Variants in MAGI2 observed in about 807,000 individuals in gnomAD.
MAGI2 encodes membrane-associated guanylate kinase, WW and PDZ domain-containing protein 2.
A neutral mutation model predicts 133.3 loss-of-function variants in MAGI2; 35 were observed. The observed-to-expected ratio is 0.26, with a 90% confidence interval of 0.20 to 0.35. The LOEUF (loss-of-function observed/expected upper bound fraction) is 0.35, where lower values mean the gene tolerates loss of function less well. Among genes scored for constraint, MAGI2 ranks in the 10% least tolerant of loss-of-function variants. The probability of loss-of-function intolerance (pLI) is 1.00; values close to 1 mark genes in which losing one functional copy is unlikely to be tolerated. For missense variants in MAGI2, 1,636 were observed against 1,863.4 expected (o/e 0.88, Z 2.25); for synonymous variants, 729 against 710.6 (o/e 1.03, Z -0.41).
At chr7:78,538,124 G>C (rs1798112494) in intron 3 of MAGI2, among the ~76,000 whole-genome samples, 1 of 152,118 alleles carries the variant, frequency 6.6e-6, no homozygotes, top group African/African-American at 2.4e-5. Context: ...TTTGTTGAAG[G>C]TCAGTAGCCC....
intron 6 of MAGI2, among the ~76,000 whole-genome samples, chr7:78,451,490 T>G (rs1788717481): frequency 6.6e-6 from 1 of 152,062 alleles, no homozygotes; most frequent in Admixed American, 6.6e-5. Flanking sequence ...CCCGTGAGAA[T>G]GACAGAAGTA....
chr7:78,174,172 C>A (rs1224299723), intron 14 of MAGI2, among the ~76,000 whole-genome samples: 7 of 152,128 alleles, frequency 4.6e-5, no homozygotes, highest in Admixed American at 6.5e-5. Flanking sequence ...TCTTCAATTC[C>A]ATTTAATAAA....
chr7:78,128,027 T>C (rs191415990), intron 18 of MAGI2, among the ~76,000 whole-genome samples: 21 of 152,284 alleles, frequency 1.4e-4, no homozygotes, highest in African/African-American at 3.9e-4. Context: ...CATTGGACCA[T>C]TGGTAAAATT....
intron 6 of MAGI2, 41 bp downstream of exon 6, chr7:78,489,720 A>G (rs1793417166): frequency 6.9e-7 from 1 of 1,444,354 alleles, no homozygotes; most frequent in Admixed American, 1.8e-5. Flanking sequence ...AAACATTCTC[A>G]AAGCACATTG....
At chr7:79,153,024 G>T (rs1325834381) in intron 1 of MAGI2, among the ~76,000 whole-genome samples, 2 of 151,948 alleles carry the variant, frequency 1.3e-5, no homozygotes, top group Non-Finnish European at 2.9e-5. Context: ...ACAAGCTTTG[G>T]ATAAATCCAG....
At chr7:78,933,873 A>G (rs1800322301) in intron 2 of MAGI2, among the ~76,000 whole-genome samples, 1 of 152,130 alleles carries the variant, frequency 6.6e-6, no homozygotes, top group Admixed American at 6.5e-5. Flanking sequence ...AAAGCCATCT[A>G]GTAGATTCCC....
At chr7:78,704,294 G>A (rs138938467) in intron 2 of MAGI2, among the ~76,000 whole-genome samples, 3 of 152,202 alleles carry the variant, frequency 2.0e-5, no homozygotes, top group African/African-American at 7.2e-5. Flanking sequence ...AGATATACAT[G>A]TGGCCAAGAA....
intron 2 of MAGI2, among the ~76,000 whole-genome samples, chr7:78,726,422 G>T (rs892991125): frequency 3.3e-5 from 5 of 152,130 alleles, no homozygotes; most frequent in Admixed American, 6.5e-5. Context: ...ACTGGAAGAG[G>T]TTAACTTCAT....
chr7:78,663,099 C>T (rs989679993), intron 2 of MAGI2, among the ~76,000 whole-genome samples: 1 of 151,940 alleles, frequency 6.6e-6, no homozygotes, highest in African/African-American at 2.4e-5. Flanking sequence ...ATTTTGAACA[C>T]ACAAGCATGT....
At chr7:78,579,182 G>A (rs185848995) in intron 3 of MAGI2, among the ~76,000 whole-genome samples, 2 of 152,294 alleles carry the variant, frequency 1.3e-5, no homozygotes, top group African/African-American at 4.8e-5. Context: ...AAAACAAGTA[G>A]AGACTTTATT....
intron 1 of MAGI2, among the ~76,000 whole-genome samples, chr7:79,024,224 G>A (rs1376598122): frequency 6.6e-6 from 1 of 152,058 alleles, no homozygotes; most frequent in Non-Finnish European, 1.5e-5. Flanking sequence ...ACAAAAACAA[G>A]CAATGGGGAA....
chr7:79,181,179 C>T (rs1471540705), intron 1 of MAGI2, among the ~76,000 whole-genome samples: 1 of 151,912 alleles, frequency 6.6e-6, no homozygotes, highest in Admixed American at 6.5e-5. Context: ...TAGGCAGTGC[C>T]CCAGTAGAGA....
intron 21 of MAGI2, among the ~76,000 whole-genome samples, chr7:78,067,385 A>T (rs1293761735): frequency 1.3e-5 from 2 of 152,218 alleles, no homozygotes; most frequent in Non-Finnish European, 2.9e-5. Flanking sequence ...ACTGCAGTGA[A>T]ATGTGAGAAA....
At chr7:79,115,873 T>G (rs903545621) in intron 1 of MAGI2, among the ~76,000 whole-genome samples, 3 of 149,852 alleles carry the variant, frequency 2.0e-5, no homozygotes, top group African/African-American at 7.4e-5. Context: ...TTTTTTTTTT[T>G]TTTTTTTTTA....
intron 3 of MAGI2, among the ~76,000 whole-genome samples, chr7:78,598,739 C>T (rs1804878697): frequency 1.3e-5 from 2 of 152,106 alleles, no homozygotes; most frequent in Admixed American, 1.3e-4. Flanking sequence ...AAACCGTAGA[C>T]AGGTCTAAGG....
At chr7:78,753,330 A>G (rs1301486107) in intron 2 of MAGI2, among the ~76,000 whole-genome samples, 1 of 152,174 alleles carries the variant, frequency 6.6e-6, no homozygotes, top group Non-Finnish European at 1.5e-5. Flanking sequence ...ATCTGAAAAA[A>G]AAATTTGCTA....
intron 2 of MAGI2, among the ~76,000 whole-genome samples, chr7:78,855,024 T>C (rs2151487727): frequency 7.4e-6 from 1 of 135,498 alleles, no homozygotes; most frequent in Non-Finnish European, 1.6e-5. Flanking sequence ...AGCAAATTTT[T>C]CTGTTTTTTT....
intron 1 of MAGI2, chr7:79,172,984 C>T (rs1356292356): frequency 6.6e-6 from 1 of 151,828 alleles, no homozygotes; most frequent in Non-Finnish European, 1.5e-5. Context: ...CATATGTTTA[C>T]AGTAAGTATT....
intron 3 of MAGI2, among the ~76,000 whole-genome samples, chr7:78,527,787 G>A (rs1797106276): frequency 6.6e-6 from 1 of 152,144 alleles, no homozygotes; most frequent in Admixed American, 6.5e-5. Flanking sequence ...GGCTTTTTAA[G>A]TTGTAGACTC....
Sources: allele counts gnomAD v4.1 joint callset (sites outside exome capture counted in the v4.1 genomes callset), GRCh38; gene constraint gnomAD v4.1.1; transcripts MANE v1.5; gene names NCBI Gene and HGNC (gene_info 2026-07-23, HGNC 2026-07-21).